The following NR6A1 variants were observed in gnomAD, a reference collection of about 807,000 sequenced individuals.
NR6A1 encodes the protein retinoic acid receptor-related testis-associated receptor.
In NR6A1, 7 loss-of-function variants were observed where a neutral mutation model predicts 59.1. That is an observed-to-expected ratio of 0.12 (90% CI 0.07 to 0.22). The LOEUF is 0.22. NR6A1 is among the 10% of genes least tolerant of loss of function. The pLI is 1.00. For missense variants in NR6A1, 468 were observed against 611.6 expected, an observed-to-expected ratio of 0.77 and a Z score of 2.48; for synonymous variants, 243 against 236.1, an observed-to-expected ratio of 1.03 and a Z score of -0.27.
intron 2 of NR6A1, among the ~76,000 whole-genome samples, chr9:124,656,165 C>G (rs1367584575): frequency 3.3e-5 from 5 of 152,110 alleles, no homozygotes; most frequent in South Asian, 2.1e-4. Flanking sequence ...CTTGCCTCCT[C>G]CTCTCCTACC....
chr9:124,672,800 T>C (rs1342847586), intron 2 of NR6A1, among the ~76,000 whole-genome samples: 1 of 152,110 alleles, frequency 6.6e-6, no homozygotes, highest in Non-Finnish European at 1.5e-5. Context: ...TTCATTTCTC[T>C]GATATCTAGT....
intron 2 of NR6A1, among the ~76,000 whole-genome samples, chr9:124,563,493 AAAATAC>A (rs1158364454): frequency 1.8e-4 from 28 of 152,246 alleles, no homozygotes; most frequent in Non-Finnish European, 3.4e-4. Flanking sequence ...TATTAACTGT[AAAATAC>A]AAATAATATT....
chr9:124,753,924 T>C (rs1840572743), intron 1 of NR6A1, among the ~76,000 whole-genome samples: 1 of 152,170 alleles, frequency 6.6e-6, no homozygotes, highest in Non-Finnish European at 1.5e-5. Context: ...AATAAAGTGC[T>C]ACAGAAAAGG....
chr9:124,637,570 C>G lies in NR6A1; in HGVS notation c.143-83000G>C, dbSNP rs189007156. 4.6e-5 allele frequency among the ~76,000 whole-genome samples: 7 copies of G among 152,260 alleles called. No homozygotes were observed. The East Asian group carries it at 1.4e-3, about 29-fold the overall frequency. Reference sequence around the variant, plus strand: ...TAACTTTCTCAAATCAAGTCTGACTCCAAACTCTACACCATCTCCCAGAAA... The same window carrying G: ...TAACTTTCTCAAATCAAGTCTGACTGCAAACTCTACACCATCTCCCAGAAA... On this transcript the variant is annotated intron_variant, in intron 2 of 9. Coordinates refer to ENST00000487099, the MANE Select transcript of NR6A1 (RefSeq NM_033334.4).
At chr9:124,665,284 A>G (rs1273063963) in intron 2 of NR6A1, among the ~76,000 whole-genome samples, 1 of 152,146 alleles carries the variant, frequency 6.6e-6, no homozygotes, top group Non-Finnish European at 1.5e-5. Flanking sequence ...CCATTTGTTG[A>G]AGTCAAACTA....
intron 3 of NR6A1, among the ~76,000 whole-genome samples, chr9:124,548,795 G>C (rs891860748): frequency 6.6e-6 from 1 of 152,146 alleles, no homozygotes; most frequent in Non-Finnish European, 1.5e-5. Context: ...AGACCACAGA[G>C]TTAAGGAAAT....
intron 1 of NR6A1, among the ~76,000 whole-genome samples, chr9:124,747,903 C>A (rs189273564): frequency 6.6e-6 from 1 of 152,300 alleles, no homozygotes; most frequent in East Asian, 1.9e-4. Flanking sequence ...ATTTCCTAAT[C>A]CACTCAAAAA....
At chr9:124,639,828 G>C (rs1311226838) in intron 2 of NR6A1, among the ~76,000 whole-genome samples, 1 of 152,220 alleles carries the variant, frequency 6.6e-6, no homozygotes, top group Non-Finnish European at 1.5e-5. Context: ...CAATAGTATG[G>C]TGAGTTCAGA....
chr9:124,655,689 A>G (rs1837237814), intron 2 of NR6A1, among the ~76,000 whole-genome samples: 1 of 152,216 alleles, frequency 6.6e-6, no homozygotes, highest in Non-Finnish European at 1.5e-5. Context: ...AAGGCTGGAA[A>G]GAATCTTCCC....
intron 1 of NR6A1, among the ~76,000 whole-genome samples, chr9:124,767,513 GAAAAAA>G (rs951834728): frequency 2.6e-5 from 2 of 76,458 alleles, no homozygotes; most frequent in South Asian, 9.8e-4. Flanking sequence ...TACAAAAAAA[GAAAAAA>G]AAAAAAAAAA....
Position 124,679,167 on chromosome 9 carries a change from T to C in NR6A1, c.142+54141A>G, listed in dbSNP as rs549332214. 1.2e-4 allele frequency among the ~76,000 whole-genome samples: 18 copies of C among 152,366 alleles called. No homozygotes were observed. In the South Asian group the frequency reaches 3.3e-3, roughly 28 times the overall value. On this transcript the variant is annotated intron_variant, in intron 2 of 9. Coordinates refer to ENST00000487099, the MANE Select transcript of NR6A1 (RefSeq NM_033334.4). ...GTATTTATAGTTAGTTCCTTATATA[T>C]ACATGTTACTCTTGAAGTTAATCTC...
At chr9:124,652,510 G>A (rs77677640) in intron 2 of NR6A1, among the ~76,000 whole-genome samples, 2,718 of 152,184 alleles carry the variant, frequency 0.018, 83 homozygotes, top group African/African-American at 0.062. Context: ...TGTCAAATGT[G>A]CCTAGTACAG....
intron 1 of NR6A1, among the ~76,000 whole-genome samples, chr9:124,768,530 T>C (rs1449793593): frequency 1.3e-5 from 2 of 152,228 alleles, no homozygotes; most frequent in Non-Finnish European, 2.9e-5. Context: ...TAGCGTCTAG[T>C]GTATTTTAAG....
At chr9:124,770,043 G>C (rs1841071487) in intron 1 of NR6A1, 1 of 152,386 alleles carries the variant, frequency 6.6e-6, no homozygotes, top group African/African-American at 2.4e-5. Flanking sequence ...ACCCGGCCCG[G>C]GCGAGGGGGC....
In NR6A1 at chr9:124,535,998, A is replaced by G; in HGVS notation, c.959T>C (p.Leu320Ser). The G allele has an allele frequency of 6.2e-7, 1 of 1,614,248 alleles. No individual in the cohort carries two copies. The highest frequency in any genetic ancestry group is 8.5e-7 in the Non-Finnish European group (1 of 1,180,052). Residue 320 changes from leucine to serine, a missense_variant, in exon 7 of 10, where the codon TTG becomes TCG. Physicochemically the swap from Leu to Ser is moderately radical, Grantham distance 145 (BLOSUM62 -2). Around this residue, in one of 4 missense-constraint regions of NR6A1, gnomAD observed 176 missense variants for 264.0 expected, o/e 0.67. Coordinates refer to ENST00000487099, the MANE Select transcript of NR6A1 (RefSeq NM_033334.4). Reference sequence around the variant, plus strand: ...GATTAGCTCCTGCCACGTAGAGCTCAAGAGGCACGTGTAATCCTTGATTGA... The same window carrying G: ...GATTAGCTCCTGCCACGTAGAGCTCGAGAGGCACGTGTAATCCTTGATTGA... ...ELSIKDYTCL[L>S]SSTWQELILL...
chr9:124,665,323 C>G (rs191127018), intron 2 of NR6A1, among the ~76,000 whole-genome samples: 1 of 152,114 alleles, frequency 6.6e-6, no homozygotes, highest in Non-Finnish European at 1.5e-5. Flanking sequence ...TGGAAAAATA[C>G]GCTCAGCTCC....
chr9:124,545,755 T>A (rs1833576903), intron 3 of NR6A1, among the ~76,000 whole-genome samples: 1 of 152,184 alleles, frequency 6.6e-6, no homozygotes, highest in South Asian at 2.1e-4. Flanking sequence ...GCAACATACT[T>A]TACTTTTCAT....
intron 2 of NR6A1, among the ~76,000 whole-genome samples, chr9:124,609,108 T>G (rs1835664168): frequency 6.6e-6 from 1 of 152,184 alleles, no homozygotes; most frequent in Non-Finnish European, 1.5e-5. Flanking sequence ...GATGATAGTT[T>G]CTATTGCTGT....
intron 2 of NR6A1, among the ~76,000 whole-genome samples, chr9:124,626,407 G>A (rs1336737960): frequency 3.9e-5 from 6 of 152,134 alleles, no homozygotes; most frequent in Admixed American, 3.9e-4. Flanking sequence ...AAGCATATTG[G>A]TTCTGTTTCT....
Sources: gnomAD v4.1 joint callset for allele counts (sites outside exome capture counted in the v4.1 genomes callset) on GRCh38, gnomAD v4.1.1 for gene constraint, gnomAD v4.1.1 regional missense constraint, MANE v1.5 for transcripts, NCBI Gene and HGNC (gene_info 2026-07-23, HGNC 2026-07-21) for gene names.